Variants in SRP72 observed in about 807,000 individuals in gnomAD.
The protein encoded by SRP72 is signal recognition particle 72.
Under a neutral mutation model 96.3 loss-of-function variants are expected in SRP72, and 49 were observed. The observed-to-expected ratio is 0.51, with a 90% CI of 0.40 to 0.65. SRP72 has a LOEUF of 0.65. Ranked by LOEUF, SRP72 falls within the 30% of genes least tolerant of loss-of-function variation. SRP72 has a pLI of 0.00. For missense variants in SRP72, 736 were observed against 793.3 expected (o/e 0.93, Z 0.87); for synonymous variants, 267 against 275.2 (o/e 0.97, Z 0.30).
chr4:56,500,472 G>A (rs773238854), intron 17 of SRP72, 64 bp from the exon 18 acceptor site: 7 of 1,519,608 alleles, frequency 4.6e-6, no homozygotes, highest in Middle Eastern at 2.4e-4. Context: ...TAGAGACATC[G>A]TTTAAACAAA....
chr4:56,501,928 AAC>A lies in SRP72; in HGVS notation c.*71_*72del, dbSNP rs766045838. The A allele has an allele frequency of 7.9e-6, 12 of 1,525,226 alleles. No individual in the cohort carries two copies. The East Asian group carries it at 2.3e-4, about 29-fold the overall frequency. The allele number at this position is 1,525,226 out of a possible 1,614,324, so 94.5% of individuals were successfully genotyped here. A position where few individuals can be genotyped will look rare whatever the true frequency, so the allele number is the denominator to read the frequency against. ...GTGACACTAGGAATATAATAAAGGT[AAC>A]ACAGCAAGAAGCACAGAACTACTCC... On this transcript the variant is annotated 3_prime_UTR_variant, in exon 19 of 19. Coordinates refer to ENST00000642900, the MANE Select transcript of SRP72 (RefSeq NM_006947.4).
chr4:56,471,741 G>A lies in SRP72; in HGVS notation c.252G>A (p.Lys84=). ...VLANNSLSFE[K]AYCEYRLNRI... is the part of the protein sequence containing the mutation. Reference sequence around the variant, plus strand: ...TCAGTAACTCTCTCTCCTTTGAAAAGGCATATTGCGAGTACAGGCTGAACA... The same window carrying A: ...TCAGTAACTCTCTCTCCTTTGAAAAAGCATATTGCGAGTACAGGCTGAACA... The change falls in exon 3 of 19, where the codon AAG becomes AAA. Residue 84 remains lysine, a synonymous_variant. Coordinates refer to ENST00000642900, the MANE Select transcript of SRP72 (RefSeq NM_006947.4). The A allele has an allele frequency of 6.2e-7, 1 of 1,613,252 alleles. No homozygotes were observed. Among genetic ancestry groups the A allele is most frequent in the Non-Finnish European group, 8.5e-7 (1 of 1,179,678 alleles).
intron 8 of SRP72, among the ~76,000 whole-genome samples, chr4:56,482,710 G>GT (rs1720551510): frequency 6.6e-6 from 1 of 152,146 alleles, no homozygotes; most frequent in South Asian, 2.1e-4. Context: ...AAATTGCCAA[G>GT]TTAGGTATTT....
At chr4:56,501,241 C>T (rs1024416246) in intron 18 of SRP72, among the ~76,000 whole-genome samples, 21 of 152,112 alleles carry the variant, frequency 1.4e-4, no homozygotes, top group Admixed American at 5.2e-4. Flanking sequence ...AACCCTGTCT[C>T]TACTAAAAAT....
intron 17 of SRP72, among the ~76,000 whole-genome samples, chr4:56,496,569 T>C (rs555167943): frequency 6.6e-6 from 1 of 152,364 alleles, no homozygotes; most frequent in East Asian, 1.9e-4. Context: ...TTCTTTTCTA[T>C]TTTTATAGTT....
chr4:56,499,991 AAAG>A lies in SRP72; in HGVS notation c.1679-540_1679-538del, dbSNP rs1477544389. Reference sequence around the variant, plus strand: ...AATGCCCATCAATGATAGAGTGGATAAAGAAGATGTGGCACATAGACACCATCA... The same window carrying A: ...AATGCCCATCAATGATAGAGTGGATAAAGATGTGGCACATAGACACCATCA... On this transcript the variant is annotated intron_variant, in intron 17 of 18. Transcript: ENST00000642900. 2.6e-5 allele frequency among the ~76,000 whole-genome samples: 4 copies of A among 152,242 alleles called. No individual in the cohort carries two copies. In the East Asian group the frequency reaches 5.8e-4, roughly 22 times the overall value.
Position 56,474,353 on chromosome 4 carries a change from A to G in SRP72, c.572A>G (p.Gln191Arg). 6.2e-7 allele frequency: 1 copy of G among 1,614,146 alleles called. No homozygotes were observed. The highest frequency in any genetic ancestry group is 8.5e-7 in the Non-Finnish European group (1 of 1,180,030). ...GCATGTGCACTGATAGGCCAAGGCC[A>G]GCTGAACCAGGCCATGAAAATCCTA... The part of the protein sequence containing the change: ...NTACALIGQG[Q>R]LNQAMKILQK... Residue 191 changes from glutamine to arginine, a missense_variant, in exon 5 of 19, where the codon CAG becomes CGG. This residue lies in a region of SRP72 where 329 missense variants were observed against 319.0 expected (regional missense o/e 1.03). Coordinates refer to ENST00000642900, the MANE Select transcript of SRP72 (RefSeq NM_006947.4).
In SRP72 at chr4:56,484,747, C is replaced by T. The variant is rs2110122856; in HGVS notation, c.969C>T (p.Cys323=). 6.2e-7 allele frequency: 1 copy of T among 1,614,062 alleles called. No homozygotes were observed. The highest frequency in any genetic ancestry group is 1.3e-5 in the African/African-American group (1 of 75,030). Residue 323 remains cysteine (C), a synonymous_variant, in exon 10 of 19, where the codon TGC becomes TGT. Transcript: ENST00000642900. ...LAMYTNQAEQ[C]RKISASLQSQ... ...TGGATATCTTCTAGGCTGAACAATGCCGCAAAATATCTGCCAGTTTACAGT... is the reference window on the plus strand; with the variant it reads ...TGGATATCTTCTAGGCTGAACAATGTCGCAAAATATCTGCCAGTTTACAGT...
At position 56,501,927 on chromosome 4, in the gene SRP72, T is replaced by G; in HGVS notation, c.*66T>G. ...AGTGACACTAGGAATATAATAAAGG[T>G]AACACAGCAAGAAGCACAGAACTAC... is the stretch of plus-strand genomic sequence containing the variant. On this transcript the variant is annotated 3_prime_UTR_variant, in exon 19 of 19. Coordinates refer to ENST00000642900, the MANE Select transcript of SRP72 (RefSeq NM_006947.4). 1.3e-6 allele frequency: 2 copies of G among 1,527,400 alleles called. No individual in the cohort carries two copies. Among genetic ancestry groups the G allele is most frequent in the South Asian group, 2.3e-5 (2 of 87,838 alleles). The allele number at this position is 1,527,400 out of a possible 1,614,324, so 94.6% of individuals were successfully genotyped here. A position where few individuals can be genotyped will look rare whatever the true frequency, so the allele number is the denominator to read the frequency against.
chr4:56,487,051 C>A (rs1284530950), intron 11 of SRP72, among the ~76,000 whole-genome samples: 1 of 152,148 alleles, frequency 6.6e-6, no homozygotes, highest in East Asian at 1.9e-4. Flanking sequence ...AGCTTAGTAG[C>A]TATATGCAGC....
intron 3 of SRP72, among the ~76,000 whole-genome samples, chr4:56,473,591 C>T (rs1428074107): frequency 6.6e-6 from 1 of 151,516 alleles, no homozygotes; most frequent in African/African-American, 2.4e-5. Flanking sequence ...CATGGAGAAA[C>T]CCCATCTCTA....
chr4:56,492,485 A>T (rs2110128735), intron 16 of SRP72, among the ~76,000 whole-genome samples: 1 of 152,316 alleles, frequency 6.6e-6, no homozygotes, highest in South Asian at 2.1e-4. Flanking sequence ...GAGCATGGAA[A>T]AGATAAAACA....
At chr4:56,497,224 ATT>A (rs1301875613) in intron 17 of SRP72, among the ~76,000 whole-genome samples, 2 of 142,678 alleles carry the variant, frequency 1.4e-5, no homozygotes, top group African/African-American at 2.6e-5. Flanking sequence ...TTATTTATTT[ATT>A]TTTTTTTTTT....
chr4:56,476,905 A>G (rs1438438818), intron 6 of SRP72: 9 of 548,932 alleles, frequency 1.6e-5, no homozygotes, highest in Non-Finnish European at 2.8e-5. Context: ...TTTTGACATA[A>G]CCTTAAGCAC....
At chr4:56,480,164 A>G (rs1161282529) in intron 8 of SRP72, among the ~76,000 whole-genome samples, 1 of 152,198 alleles carries the variant, frequency 6.6e-6, no homozygotes, top group Non-Finnish European at 1.5e-5. Flanking sequence ...GCTGTTGGCC[A>G]TTGGTATGGT....
intron 2 of SRP72, among the ~76,000 whole-genome samples, chr4:56,471,097 T>G (rs2110111459): frequency 6.6e-6 from 1 of 152,246 alleles, no homozygotes; most frequent in South Asian, 2.1e-4. Context: ...CCACCACACC[T>G]GGCTCAAAAA....
intron 9 of SRP72, among the ~76,000 whole-genome samples, chr4:56,483,849 AATC>A (rs1041330356): frequency 2.0e-5 from 3 of 152,032 alleles, no homozygotes; most frequent in African/African-American, 7.2e-5. Context: ...ATTAAGATAA[AATC>A]ATCAAAGATG....
intron 16 of SRP72, 98 bp downstream of exon 16, chr4:56,491,666 A>G: frequency 1.6e-6 from 2 of 1,227,872 alleles, no homozygotes; most frequent in African/African-American, 1.5e-5. Flanking sequence ...ATAAAGTTCT[A>G]GTTCTCTTTG....
Position 56,495,404 on chromosome 4 carries a change from TA to T in SRP72, c.1678+16del, listed in dbSNP as rs760515078. 41 of 1,473,568 alleles carry T rather than the reference TA, an allele frequency of 2.8e-5. 1 individual carries two copies. The South Asian group carries it at 4.2e-4, about 15-fold the overall frequency. The allele number at this position is 1,473,568 out of a possible 1,614,324, so 91.3% of individuals were successfully genotyped here. A position where few individuals can be genotyped will look rare whatever the true frequency, so the allele number is the denominator to read the frequency against. On this transcript the variant is annotated intron_variant, in intron 17 of 18. Transcript: ENST00000642900. ...AAAAAGAAAAAGAAGGGTAAGGCAT[TA>T]AAAAAGTCTTTATAAATTTTCTCCA...
Sources: gnomAD v4.1 joint callset for allele counts (sites outside exome capture counted in the v4.1 genomes callset) on GRCh38, gnomAD v4.1.1 for gene constraint, gnomAD v4.1.1 regional missense constraint, MANE v1.5 for transcripts, NCBI Gene and HGNC (gene_info 2026-07-23, HGNC 2026-07-21) for gene names.